The following PTPRM variants were observed in gnomAD, a reference collection of about 807,000 sequenced individuals.
The protein encoded by PTPRM is receptor-type tyrosine-protein phosphatase mu.
A neutral mutation model predicts 186.7 loss-of-function variants in PTPRM; 47 were observed. The ratio of observed to expected loss-of-function variants is 0.25; its 90% CI spans 0.20 to 0.32. PTPRM has a LOEUF of 0.32. Among genes scored for constraint, PTPRM ranks in the 10% least tolerant of loss-of-function variants. The pLI is 1.00. For missense variants in PTPRM, 1,494 were observed against 1,865.0 expected, an observed-to-expected ratio of 0.80 and a Z score of 3.66; for synonymous variants, 668 against 674.9, an observed-to-expected ratio of 0.99 and a Z score of 0.16.
At chr18:8,087,404 G>T (rs535626187) in intron 10 of PTPRM, among the ~76,000 whole-genome samples, 7 of 152,058 alleles carry the variant, frequency 4.6e-5, no homozygotes, top group Non-Finnish European at 7.4e-5. Context: ...AAGAAAAGAG[G>T]TTTAATTTAC....
intron 7 of PTPRM, among the ~76,000 whole-genome samples, chr18:8,050,192 C>G (rs866153948): frequency 6.6e-6 from 1 of 152,184 alleles, no homozygotes; most frequent in Admixed American, 6.5e-5. Context: ...ATTTGAAGTA[C>G]AGCAGATAGA....
chr18:8,172,644 G>T (rs569313252), intron 14 of PTPRM, among the ~76,000 whole-genome samples: 1 of 150,400 alleles, frequency 6.6e-6, no homozygotes, highest in Non-Finnish European at 1.5e-5. Flanking sequence ...GACATTTCTT[G>T]TGTCCTAATT....
intron 2 of PTPRM, among the ~76,000 whole-genome samples, chr18:7,870,875 G>A (rs1481654503): frequency 2.0e-5 from 3 of 152,106 alleles, no homozygotes; most frequent in East Asian, 1.9e-4. Flanking sequence ...CGTCTCTCTG[G>A]CAGTTAACTC....
At chr18:8,239,925 A>T (rs2094396928) in intron 14 of PTPRM, among the ~76,000 whole-genome samples, 1 of 152,214 alleles carries the variant, frequency 6.6e-6, no homozygotes, top group South Asian at 2.1e-4. Flanking sequence ...GAGATTGGAG[A>T]TTAAAATATT....
At chr18:7,633,631 T>A (rs1477182670) in intron 1 of PTPRM, among the ~76,000 whole-genome samples, 1 of 152,168 alleles carries the variant, frequency 6.6e-6, no homozygotes, top group Non-Finnish European at 1.5e-5. Flanking sequence ...ACCTGCTCTC[T>A]CTATCTGGCA....
intron 14 of PTPRM, among the ~76,000 whole-genome samples, chr18:8,163,610 A>C (rs920067359): frequency 5.3e-5 from 8 of 152,230 alleles, no homozygotes; most frequent in Non-Finnish European, 8.8e-5. Context: ...ATCAACACTG[A>C]TATAAAGAAC....
intron 7 of PTPRM, among the ~76,000 whole-genome samples, chr18:8,056,908 A>T (rs886423924): frequency 6.6e-6 from 1 of 152,104 alleles, no homozygotes; most frequent in Non-Finnish European, 1.5e-5. Context: ...ATAGACAAAG[A>T]TGCTGCTCAT....
intron 1 of PTPRM, among the ~76,000 whole-genome samples, chr18:7,628,251 T>G (rs1330901571): frequency 2.6e-5 from 4 of 152,164 alleles, no homozygotes; most frequent in African/African-American, 9.7e-5. Flanking sequence ...TTTAAAAGCA[T>G]TTGAAGCATT....
chr18:8,295,487 G>A (rs779293211), intron 19 of PTPRM, among the ~76,000 whole-genome samples: 12 of 152,010 alleles, frequency 7.9e-5, no homozygotes, highest in Admixed American at 3.3e-4. Flanking sequence ...GCCCCAAAGC[G>A]TTCCCAAATG....
chr18:8,085,522 C>G, intron 9 of PTPRM, 149 bp from the exon 10 acceptor site: 1 of 686,142 alleles, frequency 1.5e-6, no homozygotes, highest in Non-Finnish European at 2.4e-6. Flanking sequence ...GTTCCTTCAT[C>G]CCTTCAGTGG....
At chr18:8,238,825 A>G (rs2147232210) in intron 14 of PTPRM, among the ~76,000 whole-genome samples, 1 of 151,256 alleles carries the variant, frequency 6.6e-6, no homozygotes, top group East Asian at 1.9e-4. Context: ...GTGCCTCTGG[A>G]CTGTGGACTT....
At chr18:8,226,230 A>G (rs918407606) in intron 14 of PTPRM, among the ~76,000 whole-genome samples, 1 of 152,118 alleles carries the variant, frequency 6.6e-6, no homozygotes, top group African/African-American at 2.4e-5. Flanking sequence ...TGAAAAAGCA[A>G]TCCCTTCTGT....
chr18:7,921,837 A>G (rs1007259008), intron 4 of PTPRM, among the ~76,000 whole-genome samples: 13 of 152,030 alleles, frequency 8.6e-5, no homozygotes, highest in Non-Finnish European at 1.8e-4. Flanking sequence ...GTTTTTGGTT[A>G]TAAAGTTTAC....
chr18:8,006,039 T>A (rs181313417), intron 7 of PTPRM, among the ~76,000 whole-genome samples: 198 of 152,208 alleles, frequency 1.3e-3, no homozygotes, highest in African/African-American at 4.5e-3. Context: ...ATTCATGGGT[T>A]GCCTGATGCT....
chr18:7,885,712 G>C (rs1331531792), intron 2 of PTPRM, among the ~76,000 whole-genome samples: 2 of 152,132 alleles, frequency 1.3e-5, no homozygotes, highest in Non-Finnish European at 2.9e-5. Flanking sequence ...GAGTAACTTA[G>C]ATTATACCTG....
chr18:8,176,804 C>G (rs973479210), intron 14 of PTPRM, among the ~76,000 whole-genome samples: 10 of 152,180 alleles, frequency 6.6e-5, no homozygotes, highest in African/African-American at 2.4e-4. Context: ...GGAAGTCAAC[C>G]TCGGCAATAA....
intron 1 of PTPRM, among the ~76,000 whole-genome samples, chr18:7,677,318 A>G (rs896426714): frequency 3.3e-5 from 5 of 152,192 alleles, no homozygotes; most frequent in Non-Finnish European, 5.9e-5. Context: ...TTCAGCAGTA[A>G]TATTAGATGT....
intron 7 of PTPRM, chr18:8,017,831 C>G (rs185689040): frequency 5.9e-5 from 9 of 152,218 alleles, no homozygotes; most frequent in Admixed American, 2.6e-4. Context: ...CTACATCCAC[C>G]AAGCATTCAT....
chr18:7,709,453 G>A (rs1484202583), intron 1 of PTPRM, among the ~76,000 whole-genome samples: 1 of 152,066 alleles, frequency 6.6e-6, no homozygotes, highest in African/African-American at 2.4e-5. Context: ...ACATCAAAAA[G>A]TCTGAAAGAG....
Sources: allele counts gnomAD v4.1 joint callset (sites outside exome capture counted in the v4.1 genomes callset), GRCh38; gene constraint gnomAD v4.1.1; transcripts MANE v1.5; gene names NCBI Gene and HGNC (gene_info 2026-07-23, HGNC 2026-07-21).